Variants in EEFSEC observed in about 807,000 individuals in gnomAD.
EEFSEC encodes eukaryotic elongation factor, selenocysteine-tRNA specific.
Under a neutral mutation model 42.1 loss-of-function variants are expected in EEFSEC, and 43 were observed. The ratio of observed to expected loss-of-function variants is 1.02; its 90% CI spans 0.80 to 1.32. EEFSEC has a LOEUF of 1.32. Among genes scored for constraint, EEFSEC ranks in the 40% most tolerant of loss-of-function variants. EEFSEC has a pLI of 0.00. For synonymous variants in EEFSEC, 354 were observed against 339.1 expected, an observed-to-expected ratio of 1.04 and a Z score of -0.48; for missense variants, 745 against 803.6, an observed-to-expected ratio of 0.93 and a Z score of 0.88.
At chr3:128,372,068 G>A (rs900117277) in intron 6 of EEFSEC, among the ~76,000 whole-genome samples, 1 of 152,238 alleles carries the variant, frequency 6.6e-6, no homozygotes, top group African/African-American at 2.4e-5. Flanking sequence ...TTCCAGATTT[G>A]CCAGTTTGTA....
intron 1 of EEFSEC, among the ~76,000 whole-genome samples, chr3:128,215,250 T>A (rs1260653020): frequency 6.6e-6 from 1 of 152,166 alleles, no homozygotes; most frequent in Non-Finnish European, 1.5e-5. Context: ...TCCTTTTGTG[T>A]CTCTCTGCCT....
At chr3:128,330,579 T>C (rs139711381) in intron 4 of EEFSEC, among the ~76,000 whole-genome samples, 1 of 152,138 alleles carries the variant, frequency 6.6e-6, no homozygotes, top group African/African-American at 2.4e-5. Flanking sequence ...GGGATTCAGC[T>C]GGGTACAGGG....
chr3:128,209,134 G>A (rs1408025262), intron 1 of EEFSEC, among the ~76,000 whole-genome samples: 2 of 152,212 alleles, frequency 1.3e-5, no homozygotes, highest in Admixed American at 1.3e-4. Context: ...GGGGAAAGAA[G>A]AGAACCCATT....
At chr3:128,255,217 T>C (rs1030918567) in intron 2 of EEFSEC, among the ~76,000 whole-genome samples, 1 of 151,132 alleles carries the variant, frequency 6.6e-6, no homozygotes, top group Non-Finnish European at 1.5e-5. Context: ...GGCCACTCTT[T>C]GGGGAGGCCT....
intron 5 of EEFSEC, among the ~76,000 whole-genome samples, chr3:128,352,857 G>A (rs2067405201): frequency 6.6e-6 from 1 of 152,256 alleles, no homozygotes; most frequent in Non-Finnish European, 1.5e-5. Context: ...TAGGCCTCTG[G>A]CCAGAGTGCC....
intron 4 of EEFSEC, among the ~76,000 whole-genome samples, chr3:128,314,715 A>T (rs545897286): frequency 6.6e-6 from 1 of 152,324 alleles, no homozygotes; most frequent in East Asian, 1.9e-4. Context: ...GTTTAGAAAC[A>T]TCCCTGTCTG....
intron 2 of EEFSEC, among the ~76,000 whole-genome samples, chr3:128,251,061 A>T (rs988803814): frequency 6.6e-6 from 1 of 151,978 alleles, no homozygotes; most frequent in African/African-American, 2.4e-5. Flanking sequence ...TTGCTGGTGG[A>T]TAGAAACACA....
chr3:128,175,348 G>A (rs2065337994), intron 1 of EEFSEC, among the ~76,000 whole-genome samples: 1 of 152,236 alleles, frequency 6.6e-6, no homozygotes, highest in Admixed American at 6.5e-5. Flanking sequence ...CTGGCCCTGT[G>A]GCTAGTTTTG....
At chr3:128,347,518 A>G in intron 5 of EEFSEC, among the ~76,000 whole-genome samples, 1 of 152,228 alleles carries the variant, frequency 6.6e-6, no homozygotes, top group Non-Finnish European at 1.5e-5. Flanking sequence ...TGAAAATGTA[A>G]TAGCACTTTC....
At chr3:128,156,068 C>T (rs1277210584) in intron 1 of EEFSEC, among the ~76,000 whole-genome samples, 1 of 152,132 alleles carries the variant, frequency 6.6e-6, no homozygotes, top group Admixed American at 6.5e-5. Context: ...AATGAGATGG[C>T]GAGTTTTTAG....
intron 1 of EEFSEC, among the ~76,000 whole-genome samples, chr3:128,157,796 T>C (rs950164296): frequency 1.3e-5 from 2 of 152,252 alleles, no homozygotes; most frequent in East Asian, 1.9e-4. Flanking sequence ...TAATTTGTTA[T>C]CATGCTTGCT....
At chr3:128,289,624 G>C (rs1190293959) in intron 4 of EEFSEC, among the ~76,000 whole-genome samples, 1 of 152,202 alleles carries the variant, frequency 6.6e-6, no homozygotes, top group Non-Finnish European at 1.5e-5. Flanking sequence ...ATATAGGCTT[G>C]AGTTTTTTTG....
chr3:128,418,050 T>C, the EEFSEC span, among the ~76,000 whole-genome samples: 1 of 152,042 alleles, frequency 6.6e-6, no homozygotes, highest in Non-Finnish European at 1.5e-5. Flanking sequence ...ATCCAAGCCC[T>C]TACCTCGGCA....
At chr3:128,211,647 C>G (rs927627315) in intron 1 of EEFSEC, among the ~76,000 whole-genome samples, 5 of 151,466 alleles carry the variant, frequency 3.3e-5, no homozygotes, top group African/African-American at 9.7e-5. Flanking sequence ...CCCCAAGTAG[C>G]TGGGACTACA....
chr3:128,191,236 A>C (rs1457388495), intron 1 of EEFSEC, among the ~76,000 whole-genome samples: 1 of 152,162 alleles, frequency 6.6e-6, no homozygotes, highest in Non-Finnish European at 1.5e-5. Flanking sequence ...TGCCATATAA[A>C]GTTTCCTTTT....
At chr3:128,405,482 C>T (rs2068097950) in intron 6 of EEFSEC, among the ~76,000 whole-genome samples, 1 of 152,218 alleles carries the variant, frequency 6.6e-6, no homozygotes, top group South Asian at 2.1e-4. Flanking sequence ...CTCTTCTGAA[C>T]TCACTGTGGG....
intron 1 of EEFSEC, among the ~76,000 whole-genome samples, chr3:128,180,253 T>C (rs1356967436): frequency 1.3e-5 from 2 of 152,236 alleles, no homozygotes; most frequent in Non-Finnish European, 2.9e-5. Flanking sequence ...CTTCAATATA[T>C]GGTTAACCTC....
chr3:128,240,802 C>G (rs1248901980), intron 1 of EEFSEC, among the ~76,000 whole-genome samples: 1 of 152,260 alleles, frequency 6.6e-6, no homozygotes, highest in Non-Finnish European at 1.5e-5. Context: ...GGAGCCTGAT[C>G]AGTCCTGGGT....
At chr3:128,298,087 C>T (rs990420989) in intron 4 of EEFSEC, among the ~76,000 whole-genome samples, 9 of 152,244 alleles carry the variant, frequency 5.9e-5, no homozygotes, top group Admixed American at 5.9e-4. Flanking sequence ...ATCACCTTTT[C>T]CCCTTGGAAC....
Sources: allele counts gnomAD v4.1 joint callset (sites outside exome capture counted in the v4.1 genomes callset), GRCh38; gene constraint gnomAD v4.1.1; transcripts MANE v1.5; gene names NCBI Gene and HGNC (gene_info 2026-07-23, HGNC 2026-07-21).